Variants in SRRM2 observed in about 807,000 individuals in gnomAD.
The protein encoded by SRRM2 is serine/arginine repetitive matrix 2, also known as serine/arginine repetitive matrix protein 2.
In SRRM2, 30 loss-of-function variants were observed where a neutral mutation model predicts 213.8. That is an observed-to-expected ratio of 0.14 (90% CI 0.10 to 0.19). The LOEUF (loss-of-function observed/expected upper bound fraction) is 0.19, where lower values mean the gene tolerates loss of function less well. SRRM2 is among the 10% of genes least tolerant of loss of function. The probability of loss-of-function intolerance (pLI) is 1.00; values close to 1 mark genes in which losing one functional copy is unlikely to be tolerated. For synonymous variants in SRRM2, 2,025 were observed against 1,377.7 expected (o/e 1.47, Z -10.40); for missense variants, 4,904 against 3,647.0 (o/e 1.34, Z -8.88).
chr16:2,760,320 A>G lies in SRRM2; in HGVS notation c.853A>G (p.Lys285Glu), dbSNP rs2068294388. The G allele has an allele frequency of 3.1e-6, 5 of 1,613,676 alleles. No individual in the cohort carries two copies. The highest frequency in any genetic ancestry group is 1.3e-5 in the African/African-American group (1 of 74,904). ...CTGCAGGTCTCGAAGTGCTGCAGCT[A>G]AAACTCATACAACTGCCTTGGCTGG... Reference protein sequence around the residue: ...SRSRSRSAAAKTHTTALAGRS... With the variant: ...SRSRSRSAAAETHTTALAGRS... Residue 285 changes from lysine (K) to glutamate (E), a missense_variant, in exon 10 of 15, where the codon AAA (lysine) becomes GAA (glutamate). Transcript: ENST00000301740.
chr16:2,757,778 T>C lies in SRRM2; in HGVS notation c.351-3T>C. The C allele has an allele frequency of 6.2e-7, 1 of 1,613,510 alleles. No individual in the cohort carries two copies. Among genetic ancestry groups the C allele is most frequent in the Non-Finnish European group, 8.5e-7 (1 of 1,179,706 alleles). ...TTCAGACTTTTGCCCTTCTTTTCTC[T>C]AGGGTCACGGAGACTCACCAGTTGG... On this transcript the variant is annotated splice_polypyrimidine_tract_variant and splice_region_variant and intron_variant, in intron 3 of 14. Coordinates refer to ENST00000301740, the MANE Select transcript of SRRM2 (RefSeq NM_016333.4).
Position 2,759,601 on chromosome 16 carries a change from G to T in SRRM2, c.773G>T (p.Arg258Leu), listed in dbSNP as rs530445906. Residue 258 changes from arginine (R) to leucine (L), a missense_variant, in exon 9 of 15, where the codon CGC (arginine) becomes CTC (leucine). By Grantham distance (102) the Arg-to-Leu change is moderately radical. Transcript: ENST00000301740. ...SRSTTPAPKSRRAHRSTSADS... is the reference protein window; with the variant it reads ...SRSTTPAPKSLRAHRSTSADS... The stretch of plus-strand genomic sequence containing the variant: ...AGTACAACACCAGCCCCCAAGAGCC[G>T]CCGGGCCCACCGTTCAACTTCTGCT... The T allele has an allele frequency of 6.2e-7, 1 of 1,613,982 alleles. No homozygotes were observed. The highest frequency in any genetic ancestry group is 2.2e-5 in the East Asian group (1 of 44,882).
rs202209628 is a variant in SRRM2, at chr16:2,764,469, A to T, written c.3941A>T (p.His1314Leu). ...SWGGPHFSPE[H>L]KELSNSPLRE... ...GGTGGGCCACATTTTTCTCCAGAAC[A>T]TAAAGAACTGTCTAACTCCCCACTC... The change falls in exon 11 of 15, where the codon CAT (histidine) becomes CTT (leucine). Residue 1314 changes from histidine to leucine, a missense_variant. Transcript: ENST00000301740. 4.3e-4 allele frequency: 696 copies of T among 1,613,456 alleles called. 1 individual carries two copies. The highest frequency in any genetic ancestry group is 5.6e-4 in the Non-Finnish European group (665 of 1,179,906).
chr16:2,764,307 T>C lies in SRRM2; in HGVS notation c.3779T>C (p.Leu1260Pro). The change falls in exon 11 of 15, where the codon CTT (leucine) becomes CCT (proline). Residue 1260 changes from leucine to proline, a missense_variant. Physicochemically the swap from Leu to Pro is moderately conservative, Grantham distance 98. Coordinates refer to ENST00000301740, the MANE Select transcript of SRRM2 (RefSeq NM_016333.4). ...ATCCTGTCTCATTTGTCTTCAGAAC[T>C]TAAAGAAATGTCCACAAGTAACTTT... Reference protein sequence around the residue: ...GQILSHLSSELKEMSTSNFES... With the variant: ...GQILSHLSSEPKEMSTSNFES... 6.2e-7 allele frequency: 1 copy of C among 1,614,128 alleles called. No individual in the cohort carries two copies. The highest frequency in any genetic ancestry group is 1.7e-5 in the Admixed American group (1 of 60,012).
chr16:2,770,590 G>T lies in SRRM2; in HGVS notation c.8136-14G>T. 6.4e-7 allele frequency: 1 copy of T among 1,553,090 alleles called. No individual in the cohort carries two copies. On this transcript the variant is annotated splice_polypyrimidine_tract_variant and intron_variant, in intron 13 of 14. Coordinates refer to ENST00000301740, the MANE Select transcript of SRRM2 (RefSeq NM_016333.4). ...GGTGCCACCCTGTGGCCTGATGTCT[G>T]TCCTGTGTTGCAGCAGCAGCAGTGA... is the stretch of plus-strand genomic sequence containing the variant.
chr16:2,753,629 C>G (rs1479796901), intron 1 of SRRM2: 1 of 152,186 alleles, frequency 6.6e-6, no homozygotes, highest in South Asian at 2.1e-4. Context: ...ACGCCAGACT[C>G]ATATATAAGT....
At chr16:2,759,270 A>G in intron 7 of SRRM2, 82 bp from the exon 8 acceptor site, 3 of 1,606,294 alleles carry the variant, frequency 1.9e-6, no homozygotes, top group Admixed American at 3.4e-5. Flanking sequence ...CCTTGTGTCA[A>G]CACTCCCTCT....
chr16:2,769,290 T>C lies in SRRM2; in HGVS notation c.8021+6T>C, dbSNP rs2068655153. 6.4e-7 allele frequency: 1 copy of C among 1,550,630 alleles called. No individual in the cohort carries two copies. The highest frequency in any genetic ancestry group is 8.7e-7 in the Non-Finnish European group (1 of 1,148,360). On this transcript the variant is annotated splice_donor_region_variant and intron_variant, in intron 12 of 14. Transcript: ENST00000301740. ...CCACCCCCTGGCGAGCGGAGGTGAG[T>C]GCTGTCTTGCCTGAGTTGAAAGGTG...
Position 2,762,519 on chromosome 16 carries a change from C to T in SRRM2, c.1991C>T (p.Ala664Val), listed in dbSNP as rs1183630138. The T allele has an allele frequency of 6.2e-7, 1 of 1,613,654 alleles. No individual in the cohort carries two copies. The stretch of plus-strand genomic sequence containing the variant: ...GGCCGCTCACGCTCCAGAACCCCAG[C>T]CAGACGTGGCCGCTCACGCTCTAGA... ...RRGRSRSRTP[A>V]RRGRSRSRTP... is the part of the protein sequence containing the mutation. The change falls in exon 11 of 15, where the codon GCC (alanine) becomes GTC (valine). Residue 664 changes from alanine (A) to valine (V), a missense_variant. By Grantham distance (64) the Ala-to-Val change is moderately conservative. Transcript: ENST00000301740.
chr16:2,763,851 T>C lies in SRRM2; in HGVS notation c.3323T>C (p.Leu1108Pro), dbSNP rs143548675. Reference sequence around the variant, plus strand: ...AGGTCTTCATCTCCAGTCACTGAGCTGGCATCCAGATCTCCAATAAGACAA... The same window carrying C: ...AGGTCTTCATCTCCAGTCACTGAGCCGGCATCCAGATCTCCAATAAGACAA... ...RSRSSSPVTE[L>P]ASRSPIRQDR... The change falls in exon 11 of 15, where the codon CTG becomes CCG. Residue 1108 changes from leucine (L) to proline (P), a missense_variant. Leu to Pro is a moderately conservative substitution (Grantham distance 98, BLOSUM62 -3). Coordinates refer to ENST00000301740, the MANE Select transcript of SRRM2 (RefSeq NM_016333.4). The C allele has an allele frequency of 1.9e-6, 3 of 1,614,222 alleles. No homozygotes were observed. Among genetic ancestry groups the C allele is most frequent in the Non-Finnish European group, 2.5e-6 (3 of 1,180,040 alleles).
At position 2,763,684 on chromosome 16, in the gene SRRM2, C is replaced by G. The variant is rs781687507; in HGVS notation, c.3156C>G (p.Val1052=). Residue 1052 remains valine (V), a synonymous_variant, in exon 11 of 15, where the codon GTC becomes GTG. Transcript: ENST00000301740. The part of the protein sequence containing the change: ...STPPGESYFG[V]SSLQLKGQSQ... ...CACCAGGCGAGAGCTATTTTGGTGT[C>G]TCATCTCTGCAACTGAAAGGACAAT... is the stretch of plus-strand genomic sequence containing the variant. 6.8e-6 allele frequency: 11 copies of G among 1,614,098 alleles called. 1 individual carries two copies. The highest frequency in any genetic ancestry group is 5.5e-5 in the South Asian group (5 of 91,088).
chr16:2,762,063 A>G lies in SRRM2; in HGVS notation c.1535A>G (p.Gln512Arg), dbSNP rs75813313. Reference sequence around the variant, plus strand: ...GGTCATTCTCGATCCCGATCTCCCCAGTGGCGTAGGTCCAGGTCTGCACAG... The same window carrying G: ...GGTCATTCTCGATCCCGATCTCCCCGGTGGCGTAGGTCCAGGTCTGCACAG... Reference protein sequence around the residue: ...KRGHSRSRSPQWRRSRSAQRW... With the variant: ...KRGHSRSRSPRWRRSRSAQRW... Residue 512 changes from glutamine (Q) to arginine (R), a missense_variant, in exon 11 of 15, where the codon CAG becomes CGG. Transcript: ENST00000301740. 4 of 1,614,208 alleles carry G rather than the reference A, an allele frequency of 2.5e-6. No individual in the cohort carries two copies. The highest frequency in any genetic ancestry group is 2.5e-6 in the Non-Finnish European group (3 of 1,180,030).
chr16:2,765,405 C>T lies in SRRM2; in HGVS notation c.4877C>T (p.Ala1626Val), dbSNP rs949284076. 8.7e-6 allele frequency: 14 copies of T among 1,614,064 alleles called. No homozygotes were observed. Among genetic ancestry groups the T allele is most frequent in the Middle Eastern group, 1.6e-4 (1 of 6,084 alleles). ...SGSDSSPEPKAPAPRALPRRS... is the reference protein window; with the variant it reads ...SGSDSSPEPKVPAPRALPRRS... ...TCTGATTCCTCTCCTGAACCTAAAG[C>T]TCCAGCCCCTCGGGCCCTTCCCAGA... The change falls in exon 11 of 15, where the codon GCT (alanine) becomes GTT (valine). Residue 1626 changes from alanine to valine, a missense_variant. Ala to Val is a moderately conservative substitution (Grantham distance 64). Coordinates refer to ENST00000301740, the MANE Select transcript of SRRM2 (RefSeq NM_016333.4).
Position 2,756,261 on chromosome 16 carries a change from G to C in SRRM2, c.-31-73G>C, listed in dbSNP as rs1295054817. The C allele has an allele frequency of 3.0e-6, 4 of 1,332,682 alleles. No individual in the cohort carries two copies. The African/African-American group carries it at 5.9e-5, about 20-fold the overall frequency. 82.6% of individuals were successfully genotyped at this position (1,332,682 alleles called of 1,614,324 possible). A position where few individuals can be genotyped will look rare whatever the true frequency, so the allele number is the denominator to read the frequency against. On this transcript the variant is annotated intron_variant, in intron 1 of 14. Coordinates refer to ENST00000301740, the MANE Select transcript of SRRM2 (RefSeq NM_016333.4). ...TGAATTAGGGATGAAGGAGAGCAGG[G>C]ACTTGGGTGTGGGGCGGTAAGTGGT...
chr16:2,770,013 C>T (rs1053507021), intron 12 of SRRM2: 3 of 624,368 alleles, frequency 4.8e-6, no homozygotes, highest in East Asian at 3.9e-5. Flanking sequence ...TGCCCCTTCC[C>T]TGCCTTGCCC....
chr16:2,753,884 G>A (rs536604867), intron 1 of SRRM2, among the ~76,000 whole-genome samples: 1 of 152,126 alleles, frequency 6.6e-6, no homozygotes, highest in East Asian at 1.9e-4. Flanking sequence ...CATTTTTTTC[G>A]ACAACCCTTG....
chr16:2,771,314 C>G lies in SRRM2; in HGVS notation c.*447C>G. On this transcript the variant is annotated 3_prime_UTR_variant, in exon 15 of 15. Transcript: ENST00000301740. Reference sequence around the variant, plus strand: ...GTCCCCCATGAGGTTGTGAACCCCTCCCCCCAACTTTTCATGTTTCTTAAA... The same window carrying G: ...GTCCCCCATGAGGTTGTGAACCCCTGCCCCCAACTTTTCATGTTTCTTAAA... The G allele has an allele frequency of 1.6e-6, 2 of 1,223,738 alleles. No individual in the cohort carries two copies. The highest frequency in any genetic ancestry group is 2.4e-6 in the Non-Finnish European group (2 of 837,112). 75.8% of individuals were successfully genotyped at this position (1,223,738 alleles called of 1,614,324 possible). A position where few individuals can be genotyped will look rare whatever the true frequency, so the allele number is the denominator to read the frequency against.
chr16:2,755,303 A>G (rs1325722024), intron 1 of SRRM2, among the ~76,000 whole-genome samples: 2 of 152,180 alleles, frequency 1.3e-5, no homozygotes, highest in African/African-American at 4.8e-5. Flanking sequence ...ACAGGAGAGA[A>G]GGAAGAGGCA....
intron 10 of SRRM2, 39 bp downstream of exon 10, chr16:2,760,538 T>A: frequency 6.2e-7 from 1 of 1,606,148 alleles, no homozygotes; most frequent in South Asian, 1.1e-5. Context: ...GGATTGCAAA[T>A]GTATAGATTT....
Sources: gnomAD v4.1 joint callset for allele counts (sites outside exome capture counted in the v4.1 genomes callset) on GRCh38, gnomAD v4.1.1 for gene constraint, MANE v1.5 for transcripts, NCBI Gene and HGNC (gene_info 2026-07-23, HGNC 2026-07-21) for gene names.